Variants in MAP7 observed in about 807,000 individuals in gnomAD.
MAP7 encodes microtubule associated protein 7, also known as ensconsin.
In MAP7, 52 loss-of-function variants were observed where a neutral mutation model predicts 94.8. The ratio of observed to expected loss-of-function variants is 0.55; its 90% confidence interval spans 0.44 to 0.69. The LOEUF is 0.69. Ranked by LOEUF, MAP7 falls within the 30% of genes least tolerant of loss-of-function variation. MAP7 has a pLI of 0.00. For synonymous variants in MAP7, 350 were observed against 357.0 expected (o/e 0.98, Z 0.22); for missense variants, 940 against 964.6 (o/e 0.97, Z 0.34).
intron 15 of MAP7, among the ~76,000 whole-genome samples, chr6:136,358,779 A>G (rs1205045215): frequency 6.6e-6 from 1 of 152,218 alleles, no homozygotes; most frequent in Non-Finnish European, 1.5e-5. Flanking sequence ...GAGGAAGACA[A>G]TGATGAGCTA....
chr6:136,390,464 C>A (rs529158203), intron 3 of MAP7, among the ~76,000 whole-genome samples: 1 of 152,112 alleles, frequency 6.6e-6, no homozygotes, highest in African/African-American at 2.4e-5. Context: ...ACCAGTCTGG[C>A]CAACATAGTG....
At chr6:136,423,836 C>T (rs1434947928) in intron 1 of MAP7, among the ~76,000 whole-genome samples, 4 of 147,078 alleles carry the variant, frequency 2.7e-5, no homozygotes, top group Non-Finnish European at 6.0e-5. Context: ...GCTCTTGTTG[C>T]CCAGGCTGGA....
Position 136,389,429 on chromosome 6 carries a change from C to T in MAP7, c.333G>A (p.Glu111=), listed in dbSNP as rs370278859. 1.3e-5 allele frequency: 21 copies of T among 1,601,220 alleles called. No individual in the cohort carries two copies. Among genetic ancestry groups the T allele is most frequent in the Non-Finnish European group, 8.5e-7 (1 of 1,175,224 alleles). The part of the protein sequence containing the change: ...KHLEERKKRL[E]EQRQKEERRR... The stretch of plus-strand genomic sequence containing the variant: ...TCCGCTCCTCCTTCTGCCTCTGCTC[C>T]TCCAACCTCTTCTTCCGCTCTTCCA... Residue 111 remains glutamate (E), a synonymous_variant, in exon 4 of 18, where the codon GAG becomes GAA. Transcript: ENST00000354570.
chr6:136,521,985 CT>C (rs1826521212), intron 1 of MAP7, among the ~76,000 whole-genome samples: 1 of 152,212 alleles, frequency 6.6e-6, no homozygotes, highest in Non-Finnish European at 1.5e-5. Context: ...TGTCAATTAT[CT>C]TTGCATTACT....
At chr6:136,537,529 A>G (rs539914583) in intron 1 of MAP7, among the ~76,000 whole-genome samples, 1 of 152,346 alleles carries the variant, frequency 6.6e-6, no homozygotes, top group South Asian at 2.1e-4. Flanking sequence ...CAGGGAGGGC[A>G]TCTTCACCAG....
chr6:136,409,643 G>A (rs72977532), intron 3 of MAP7, among the ~76,000 whole-genome samples: 2,975 of 152,250 alleles, frequency 0.02, 52 homozygotes, highest in Middle Eastern at 0.027. Flanking sequence ...GGGAACTTGG[G>A]TGGCACCTGG....
chr6:136,434,613 T>G (rs1795871920), intron 1 of MAP7, among the ~76,000 whole-genome samples: 1 of 151,068 alleles, frequency 6.6e-6, no homozygotes, highest in Non-Finnish European at 1.5e-5. Context: ...TTTTTTTTTT[T>G]GAGCTGTTCA....
chr6:136,386,074 C>T (rs907390722), intron 5 of MAP7, among the ~76,000 whole-genome samples: 7 of 152,080 alleles, frequency 4.6e-5, no homozygotes, highest in African/African-American at 1.4e-4. Flanking sequence ...CCCTGCTGAT[C>T]GTATCAAGTT....
At chr6:136,428,530 T>A (rs1421051296) in intron 1 of MAP7, among the ~76,000 whole-genome samples, 1 of 150,578 alleles carries the variant, frequency 6.6e-6, no homozygotes, top group Non-Finnish European at 1.5e-5. Flanking sequence ...AAAGAATAAA[T>A]AAATAAATAA....
At chr6:136,527,967 T>C (rs1252820651) in intron 1 of MAP7, among the ~76,000 whole-genome samples, 1 of 152,218 alleles carries the variant, frequency 6.6e-6, no homozygotes, top group East Asian at 1.9e-4. Context: ...TTTTAAATTG[T>C]GTCAATCTGT....
intron 1 of MAP7, among the ~76,000 whole-genome samples, chr6:136,523,753 G>T (rs1471093771): frequency 6.6e-6 from 1 of 152,086 alleles, no homozygotes; most frequent in Non-Finnish European, 1.5e-5. Context: ...GGCAGGGATA[G>T]AAAGAAAAAT....
intron 5 of MAP7, 77 bp from the exon 6 acceptor site, chr6:136,383,858 A>T: frequency 1.2e-6 from 1 of 835,902 alleles, no homozygotes; most frequent in South Asian, 1.5e-5. Flanking sequence ...ATGGAAGGAA[A>T]AACTAGGATT....
intron 3 of MAP7, among the ~76,000 whole-genome samples, chr6:136,400,780 C>A (rs1322482052): frequency 1.3e-5 from 2 of 152,184 alleles, no homozygotes; most frequent in African/African-American, 4.8e-5. Context: ...TGTACTCAGT[C>A]ACTCTACAAT....
chr6:136,390,097 G>T (rs1435385347), intron 3 of MAP7, among the ~76,000 whole-genome samples: 1 of 152,170 alleles, frequency 6.6e-6, no homozygotes, highest in Non-Finnish European at 1.5e-5. Context: ...CATATCAAAA[G>T]CTGGATGAAA....
rs1332315092 is a variant in MAP7 at position 136,525,393 on chromosome 6, C to T, written c.67+24949G>A. The stretch of plus-strand genomic sequence containing the variant: ...CCCTCTGCCTAGAAAAGGTTGCACT[C>T]TTGAGTCACTTTAACTCATCCTTTA... On this transcript the variant is annotated intron_variant, in intron 1 of 17. Transcript: ENST00000354570. 2.0e-5 allele frequency among the ~76,000 whole-genome samples: 3 copies of T among 152,176 alleles called. No homozygotes were observed. In the East Asian group the frequency reaches 5.8e-4, roughly 29 times the overall value.
intron 10 of MAP7, chr6:136,364,473 TA>T: frequency 3.7e-6 from 1 of 268,412 alleles, no homozygotes; most frequent in South Asian, 3.8e-5. Context: ...ACCTCTTTTG[TA>T]ACAAGTTCAA....
Position 136,366,425 on chromosome 6 carries a change from T to G in MAP7, c.891A>C (p.Glu297Asp). Residue 297 changes from glutamate to aspartate, a missense_variant, in exon 9 of 18, where the codon GAA (glutamate) becomes GAC (aspartate). Glu to Asp is a conservative substitution (Grantham distance 45). Transcript: ENST00000354570. ...IIHGTASYKK[E>D]RERENVLFLT... ...GGAAGAGTACATTTTCTCTCTCTCTTTCTTTTTTATAGCTCTAAGTTCAGA... is the reference window on the plus strand; with the variant it reads ...GGAAGAGTACATTTTCTCTCTCTCTGTCTTTTTTATAGCTCTAAGTTCAGA... The G allele has an allele frequency of 1.2e-6, 2 of 1,611,688 alleles. No homozygotes were observed. The highest frequency in any genetic ancestry group is 1.7e-6 in the Non-Finnish European group (2 of 1,177,782).
chr6:136,519,378 A>G (rs1012653364), intron 1 of MAP7, among the ~76,000 whole-genome samples: 1 of 152,210 alleles, frequency 6.6e-6, no homozygotes, highest in Non-Finnish European at 1.5e-5. Context: ...AATGCCACAC[A>G]TAAGGACACT....
At chr6:136,513,784 A>G (rs1823952241) in intron 1 of MAP7, among the ~76,000 whole-genome samples, 1 of 152,194 alleles carries the variant, frequency 6.6e-6, no homozygotes, top group Middle Eastern at 3.2e-3. Context: ...ATCCTGTGGA[A>G]CATGGGCCAT....
Sources: gnomAD v4.1 joint callset for allele counts (sites outside exome capture counted in the v4.1 genomes callset) on GRCh38, gnomAD v4.1.1 for gene constraint, MANE v1.5 for transcripts, NCBI Gene and HGNC (gene_info 2026-07-23, HGNC 2026-07-21) for gene names.